C2orf42: variants seen among roughly 807,000 people sequenced by gnomAD.
The protein encoded by C2orf42 is chromosome 2 open reading frame 42.
C2orf42 carries 44 observed loss-of-function variants against 58.9 expected under a neutral mutation model. The ratio of observed to expected loss-of-function variants is 0.75; its 90% CI spans 0.59 to 0.96. The LOEUF is 0.96. Among genes scored for constraint, C2orf42 ranks in the 40% least tolerant of loss-of-function variants. C2orf42 has a pLI of 0.00. For synonymous variants in C2orf42, 239 were observed against 265.4 expected (o/e 0.90, Z 0.97); for missense variants, 630 against 699.2 (o/e 0.90, Z 1.12).
chr2:70,185,746 A>AAC (rs888916604), intron 1 of C2orf42, among the ~76,000 whole-genome samples: 7 of 149,562 alleles, frequency 4.7e-5, no homozygotes, highest in Admixed American at 1.3e-4. Context: ...CACACACACA[A>AAC]ACACACACAC....
At chr2:70,185,993 TA>T (rs746486291) in intron 1 of C2orf42, among the ~76,000 whole-genome samples, 2,002 of 99,280 alleles carry the variant, frequency 0.02, 15 homozygotes, top group Non-Finnish European at 0.029. Flanking sequence ...TCCCTAATTG[TA>T]AAAAAAAAAA....
At chr2:70,190,728 A>G (rs1425781088) in intron 1 of C2orf42, 1 of 152,164 alleles carries the variant, frequency 6.6e-6, no homozygotes, top group African/African-American at 2.4e-5. Flanking sequence ...GCAGCGACAC[A>G]CACATATCCC....
chr2:70,176,577 G>C (rs1175088500), intron 4 of C2orf42, among the ~76,000 whole-genome samples: 2 of 151,984 alleles, frequency 1.3e-5, no homozygotes, highest in African/African-American at 4.8e-5. Context: ...GGCTACCCAA[G>C]TGATCTGAGC....
intron 8 of C2orf42, among the ~76,000 whole-genome samples, chr2:70,162,685 C>T (rs1198681698): frequency 6.6e-6 from 1 of 151,988 alleles, no homozygotes; most frequent in Non-Finnish European, 1.5e-5. Flanking sequence ...GTTGCCTAGG[C>T]TGGTCTTGAA....
At chr2:70,152,697 T>C (rs1352745571) in intron 9 of C2orf42, among the ~76,000 whole-genome samples, 1 of 152,170 alleles carries the variant, frequency 6.6e-6, no homozygotes, top group African/African-American at 2.4e-5. Flanking sequence ...ACCTGAATTC[T>C]TGATGACTGC....
chr2:70,185,993 T>TAA (rs746486291), intron 1 of C2orf42, among the ~76,000 whole-genome samples: 13 of 99,262 alleles, frequency 1.3e-4, no homozygotes, highest in African/African-American at 2.8e-4. Flanking sequence ...TCCCTAATTG[T>TAA]AAAAAAAAAA....
chr2:70,165,242 C>A (rs377348055), intron 7 of C2orf42, 50 bp from the exon 8 acceptor site: 3 of 1,089,376 alleles, frequency 2.8e-6, no homozygotes, highest in Non-Finnish European at 4.2e-6. Context: ...ATAACATTTT[C>A]TTTTGTTGTA....
At chr2:70,181,102 TG>T (rs1464869700) in intron 3 of C2orf42, 60 bp downstream of exon 3, 1 of 916,302 alleles carries the variant, frequency 1.1e-6, no homozygotes, top group Non-Finnish European at 1.7e-6. Flanking sequence ...AATGCATCAG[TG>T]GAACTCTTTT....
intron 6 of C2orf42, among the ~76,000 whole-genome samples, chr2:70,167,092 C>T (rs1673455184): frequency 6.6e-6 from 1 of 152,190 alleles, no homozygotes; most frequent in Non-Finnish European, 1.5e-5. Context: ...GGCACAGTGG[C>T]TCACACCTGT....
rs149790115 is a variant in C2orf42, at chr2:70,152,817, G to C, written c.1517-2253C>G. Reference sequence around the variant, plus strand: ...TGGGAGGCCAAGCCGGGCAGATCATGAGGTCAGGAGTTCGAGACCAGCCTG... The same window carrying C: ...TGGGAGGCCAAGCCGGGCAGATCATCAGGTCAGGAGTTCGAGACCAGCCTG... On this transcript the variant is annotated intron_variant, in intron 9 of 9. Coordinates refer to ENST00000264434, the MANE Select transcript of C2orf42 (RefSeq NM_017880.3). Among the ~76,000 whole-genome samples the C allele has an allele frequency of 2.3e-3, 347 of 152,292 alleles. 2 individuals carry two copies. The highest frequency in any genetic ancestry group is 7.9e-3 in the African/African-American group (328 of 41,566).
chr2:70,160,165 A>G (rs1314341720), intron 9 of C2orf42, among the ~76,000 whole-genome samples: 3 of 142,024 alleles, frequency 2.1e-5, no homozygotes, highest in African/African-American at 8.0e-5. Flanking sequence ...TTTGAGGCTG[A>G]GTCTCACTCT....
chr2:70,175,644 G>T, intron 5 of C2orf42, 29 bp downstream of exon 5: 6 of 1,295,286 alleles, frequency 4.6e-6, no homozygotes, highest in Non-Finnish European at 6.7e-6. Context: ...TTCCACCACT[G>T]TAGCCTATTC....
intron 8 of C2orf42, among the ~76,000 whole-genome samples, chr2:70,161,206 T>A (rs757740791): frequency 6.6e-6 from 1 of 152,182 alleles, no homozygotes; most frequent in South Asian, 2.1e-4. Flanking sequence ...TCCTTGGGAC[T>A]GAGCCAAGCA....
chr2:70,153,747 C>T (rs906931519), intron 9 of C2orf42, among the ~76,000 whole-genome samples: 20 of 151,018 alleles, frequency 1.3e-4, no homozygotes, highest in Middle Eastern at 3.4e-3. Flanking sequence ...AAAGCAATGA[C>T]TGATATATCT....
intron 8 of C2orf42, among the ~76,000 whole-genome samples, chr2:70,163,752 A>G (rs774935876): frequency 2.0e-5 from 3 of 152,012 alleles, no homozygotes; most frequent in Non-Finnish European, 4.4e-5. Context: ...CAGGAGGTTG[A>G]GGCATGAGAA....
intron 2 of C2orf42, among the ~76,000 whole-genome samples, chr2:70,182,235 G>A (rs1163650868): frequency 2.6e-5 from 4 of 152,208 alleles, no homozygotes; most frequent in South Asian, 2.1e-4. Context: ...GAATAGCTGG[G>A]ACTATAGGCA....
chr2:70,160,208 C>T (rs1011393699), intron 9 of C2orf42, among the ~76,000 whole-genome samples: 28 of 147,210 alleles, frequency 1.9e-4, no homozygotes, highest in Admixed American at 6.8e-4. Flanking sequence ...GGTGAGATCT[C>T]GGCTCACTGT....
chr2:70,151,527 G>A lies in C2orf42; in HGVS notation c.1517-963C>T, dbSNP rs144503789. Among the ~76,000 whole-genome samples the A allele has an allele frequency of 3.8e-3, 573 of 151,836 alleles. 3 individuals are homozygous for A. Among genetic ancestry groups the A allele is most frequent in the African/African-American group, 0.011 (444 of 41,414 alleles). On this transcript the variant is annotated intron_variant, in intron 9 of 9. Transcript: ENST00000264434. ...CATGCTCCTGTAATCCCAGTTACTC[G>A]GGAGGCTAAGGCAGAAGAATCGCCT... is the stretch of plus-strand genomic sequence containing the variant.
intron 4 of C2orf42, among the ~76,000 whole-genome samples, chr2:70,177,229 G>A (rs567377871): frequency 5.3e-5 from 8 of 151,294 alleles, no homozygotes; most frequent in African/African-American, 1.7e-4. Context: ...CTGAGATCGC[G>A]CCATCACACT....
Sources: gnomAD v4.1 joint callset for allele counts (sites outside exome capture counted in the v4.1 genomes callset) on GRCh38, gnomAD v4.1.1 for gene constraint, MANE v1.5 for transcripts, NCBI Gene and HGNC (gene_info 2026-07-23, HGNC 2026-07-21) for gene names.